Variants in DIAPH2 observed in about 807,000 individuals in gnomAD.
DIAPH2 encodes protein diaphanous homolog 2.
DIAPH2 carries 35 observed loss-of-function variants against 92.7 expected under a neutral mutation model. The ratio of observed to expected loss-of-function variants is 0.38; its 90% confidence interval spans 0.29 to 0.50. The LOEUF (loss-of-function observed/expected upper bound fraction) is 0.50. DIAPH2 is among the 20% of genes least tolerant of loss of function. The pLI, the probability that DIAPH2 is intolerant of heterozygous loss-of-function variation, is 0.94. For synonymous variants in DIAPH2, 301 were observed against 280.4 expected, an observed-to-expected ratio of 1.07 and a Z score of -0.73; for missense variants, 701 against 819.5, an observed-to-expected ratio of 0.86 and a Z score of 1.77.
At chrX:96,876,299 G>T (rs376110977) in intron 4 of DIAPH2, among the ~76,000 whole-genome samples, 91 of 111,646 alleles carry the variant, frequency 8.2e-4, no homozygotes, top group African/African-American at 1.5e-3. Context: ...GGAACACTTT[G>T]ACACTGTTGG....
At chrX:97,241,423 G>A (rs779310669) in intron 22 of DIAPH2, among the ~76,000 whole-genome samples, 17 of 110,048 alleles carry the variant, frequency 1.5e-4, no homozygotes, top group African/African-American at 5.3e-4. Flanking sequence ...TCAGCCTCCC[G>A]AGTAGCTGGG....
At chrX:96,828,306 G>A (rs753258976) in intron 4 of DIAPH2, among the ~76,000 whole-genome samples, 27 of 111,509 alleles carry the variant, frequency 2.4e-4, no homozygotes, top group Non-Finnish European at 4.5e-4. Context: ...TAATGGATCA[G>A]CTCATTCTCT....
At chrX:97,263,453 G>T (rs748542600) in intron 23 of DIAPH2, among the ~76,000 whole-genome samples, 74 of 111,328 alleles carry the variant, frequency 6.6e-4, no homozygotes, top group African/African-American at 2.3e-3. Context: ...CTTCTAAAGT[G>T]CATTATTATA....
chrX:97,470,911 G>A (rs868017652), intron 26 of DIAPH2, among the ~76,000 whole-genome samples: 5 of 111,262 alleles, frequency 4.5e-5, no homozygotes, highest in Admixed American at 9.6e-5. Context: ...AGAGAAGCCC[G>A]AATGACATAC....
chrX:97,017,446 G>A (rs1221511987), intron 17 of DIAPH2, among the ~76,000 whole-genome samples: 2 of 111,629 alleles, frequency 1.8e-5, no homozygotes, highest in African/African-American at 6.5e-5. Context: ...TGCATTGAAT[G>A]GGGAGGAAGA....
At chrX:97,182,335 C>T (rs977018994) in intron 22 of DIAPH2, among the ~76,000 whole-genome samples, 3 of 111,782 alleles carry the variant, frequency 2.7e-5, no homozygotes, top group African/African-American at 9.7e-5. Flanking sequence ...GAGAGAAATC[C>T]TGTGGTGGAA....
chrX:97,281,271 G>C (rs2068494436), intron 23 of DIAPH2, among the ~76,000 whole-genome samples: 1 of 111,378 alleles, frequency 9.0e-6, no homozygotes, highest in Non-Finnish European at 1.9e-5. Flanking sequence ...TTTAGAATTA[G>C]ATTTTAATAG....
At chrX:97,145,847 T>A (rs997374251) in intron 22 of DIAPH2, among the ~76,000 whole-genome samples, 4 of 110,053 alleles carry the variant, frequency 3.6e-5, no homozygotes, top group African/African-American at 1.3e-4. Context: ...CCCAGACATA[T>A]AGTCTCCTGA....
intron 26 of DIAPH2, among the ~76,000 whole-genome samples, chrX:97,520,530 T>C (rs2070983690): frequency 8.9e-6 from 1 of 112,468 alleles, no homozygotes; most frequent in Non-Finnish European, 1.9e-5. Context: ...CTTACATAAA[T>C]GTTTTCCTTC....
intron 23 of DIAPH2, among the ~76,000 whole-genome samples, chrX:97,321,628 C>A (rs1246033197): frequency 3.1e-5 from 3 of 97,867 alleles, no homozygotes; most frequent in Admixed American, 2.4e-4. Flanking sequence ...CCGCTCACTG[C>A]AAACTCCGCC....
intron 22 of DIAPH2, among the ~76,000 whole-genome samples, chrX:97,157,470 A>G (rs2067332816): frequency 9.0e-6 from 1 of 111,239 alleles, no homozygotes. Context: ...CAATTCTTGC[A>G]AAATATAGTA....
At chrX:97,538,109 C>G (rs2071111595) in intron 26 of DIAPH2, among the ~76,000 whole-genome samples, 1 of 110,412 alleles carries the variant, frequency 9.1e-6, no homozygotes, top group African/African-American at 3.3e-5. Context: ...TGGTCTCGAT[C>G]TCCTGACCTC....
intron 4 of DIAPH2, among the ~76,000 whole-genome samples, chrX:96,873,775 T>C (rs1329764639): frequency 1.8e-5 from 2 of 109,972 alleles, no homozygotes. Context: ...ATAAGATAGA[T>C]GGGTTTTATC....
chrX:97,383,902 T>C lies in DIAPH2; in HGVS notation c.3010-7T>C, dbSNP rs781466493. On this transcript the variant is annotated splice_region_variant and splice_polypyrimidine_tract_variant and intron_variant, in intron 24 of 26. Transcript: ENST00000324765. ...AGGTTTCCATTTAACTTTGTTTATA[T>C]GTATAGGAAGCAGTGAGAGAAAACA... 1.7e-6 allele frequency: 2 copies of C among 1,171,571 alleles called. No homozygotes were observed. Among genetic ancestry groups the C allele is most frequent in the East Asian group, 6.0e-5 (2 of 33,247 alleles).
chrX:97,080,468 C>T (rs1198907183), intron 19 of DIAPH2, among the ~76,000 whole-genome samples: 11 of 98,771 alleles, frequency 1.1e-4, no homozygotes, highest in Non-Finnish European at 4.1e-5. Context: ...CCCCCACAAT[C>T]CCCCTCCCCC....
At chrX:96,883,513 T>C (rs1000934881) in intron 5 of DIAPH2, among the ~76,000 whole-genome samples, 5 of 109,292 alleles carry the variant, frequency 4.6e-5, no homozygotes. Context: ...CCCGAGTAGC[T>C]GGGATTACAA....
At chrX:97,448,485 G>A (rs1443512327) in intron 26 of DIAPH2, among the ~76,000 whole-genome samples, 2 of 111,783 alleles carry the variant, frequency 1.8e-5, no homozygotes, top group Non-Finnish European at 1.9e-5. Context: ...TGCCACTTAA[G>A]CGTTAATAGA....
intron 9 of DIAPH2, among the ~76,000 whole-genome samples, chrX:96,922,053 A>G (rs1439644415): frequency 9.0e-6 from 1 of 111,142 alleles, no homozygotes; most frequent in Non-Finnish European, 1.9e-5. Flanking sequence ...ATGTTATCCC[A>G]TTTAAACCTC....
intron 23 of DIAPH2, among the ~76,000 whole-genome samples, chrX:97,321,408 T>C (rs1317629654): frequency 9.0e-6 from 1 of 110,877 alleles, no homozygotes; most frequent in Non-Finnish European, 1.9e-5. Flanking sequence ...TTATTTGCTT[T>C]AATAAATTAT....
Sources: gnomAD v4.1 joint callset for allele counts (sites outside exome capture counted in the v4.1 genomes callset) on GRCh38, gnomAD v4.1.1 for gene constraint, MANE v1.5 for transcripts, NCBI Gene and HGNC (gene_info 2026-07-23, HGNC 2026-07-21) for gene names.